Variants in MECOM observed in about 807,000 individuals in gnomAD.
MECOM encodes the protein histone-lysine N-methyltransferase MECOM.
MECOM carries 13 observed loss-of-function variants against 116.3 expected under a neutral mutation model. That is an observed-to-expected ratio of 0.11 (90% CI 0.07 to 0.18). The LOEUF is 0.18. Among genes scored for constraint, MECOM ranks in the 10% least tolerant of loss-of-function variants. The pLI is 1.00. For missense variants in MECOM, 1,299 were observed against 1,509.0 expected (o/e 0.86, Z 2.31); for synonymous variants, 528 against 535.2 (o/e 0.99, Z 0.19).
intron 1 of MECOM, among the ~76,000 whole-genome samples, chr3:169,544,150 T>A (rs940873737): frequency 1.3e-5 from 2 of 152,208 alleles, no homozygotes; most frequent in Admixed American, 6.5e-5. Context: ...TGATTGTACA[T>A]AGTTTGACTA....
intron 1 of MECOM, among the ~76,000 whole-genome samples, chr3:169,383,023 C>A (rs1222386229): frequency 6.6e-6 from 1 of 151,868 alleles, no homozygotes; most frequent in Admixed American, 6.6e-5. Context: ...CCTACCAACC[C>A]CGCAGTTCTA....
intron 2 of MECOM, among the ~76,000 whole-genome samples, chr3:169,371,070 C>A (rs1487776320): frequency 2.0e-5 from 3 of 151,964 alleles, no homozygotes; most frequent in Non-Finnish European, 4.4e-5. Context: ...CTCACATAGT[C>A]ATTGACTGCA....
intron 1 of MECOM, among the ~76,000 whole-genome samples, chr3:169,609,073 C>T (rs1045474136): frequency 1.3e-5 from 2 of 152,170 alleles, no homozygotes; most frequent in Non-Finnish European, 2.9e-5. Context: ...CTTATCGACA[C>T]AGGAATCTCT....
chr3:169,394,496 A>G (rs1734720661), intron 1 of MECOM, among the ~76,000 whole-genome samples: 1 of 152,186 alleles, frequency 6.6e-6, no homozygotes, highest in African/African-American at 2.4e-5. Context: ...GCAGATAATC[A>G]AGAGGATTGT....
chr3:169,321,871 G>C (rs1720922421), intron 2 of MECOM, among the ~76,000 whole-genome samples: 1 of 152,204 alleles, frequency 6.6e-6, no homozygotes, highest in Admixed American at 6.5e-5. Context: ...ACTCATGGTT[G>C]CTGTCCTAAT....
chr3:169,267,640 T>C lies in MECOM; in HGVS notation c.375+113547A>G, dbSNP rs893517686. Reference sequence around the variant, plus strand: ...AGAGTTGAGCTCAAGGTGATTGAAGTAATGCTACATTTGACTGGAAAAGGG... The same window carrying C: ...AGAGTTGAGCTCAAGGTGATTGAAGCAATGCTACATTTGACTGGAAAAGGG... On this transcript the variant is annotated intron_variant, in intron 2 of 16. Transcript: ENST00000651503. 4.6e-4 allele frequency among the ~76,000 whole-genome samples: 70 copies of C among 152,174 alleles called. 1 individual carries two copies. Among genetic ancestry groups the C allele is most frequent in the African/African-American group, 1.5e-3 (62 of 41,446 alleles).
At chr3:169,650,815 T>C (rs1472037705) in intron 1 of MECOM, among the ~76,000 whole-genome samples, 1 of 152,066 alleles carries the variant, frequency 6.6e-6, no homozygotes, top group Non-Finnish European at 1.5e-5. Flanking sequence ...GGGGAACTTC[T>C]CTGTCTGTTT....
Position 169,543,597 on chromosome 3 carries a change from G to A in MECOM, c.37+119739C>T, listed in dbSNP as rs138939271. On this transcript the variant is annotated intron_variant, in intron 1 of 16. Coordinates refer to ENST00000651503, the MANE Select transcript of MECOM (RefSeq NM_004991.4). ...TCTGGAGGGAAAAACATTATTTGAC[G>A]AAATTTCAATTTAAAAGTAATTCCA... is the stretch of plus-strand genomic sequence containing the variant. Among the ~76,000 whole-genome samples, 887 of 152,122 alleles carry A rather than the reference G, an allele frequency of 5.8e-3. 9 individuals carry two copies. The highest frequency in any genetic ancestry group is 0.02 in the African/African-American group (848 of 41,476).
intron 2 of MECOM, among the ~76,000 whole-genome samples, chr3:169,379,020 A>T (rs1330448116): frequency 1.3e-5 from 2 of 151,960 alleles, no homozygotes; most frequent in African/African-American, 4.8e-5. Flanking sequence ...ACTAAATAGG[A>T]GGAAAACCAG....
chr3:169,638,368 T>C (rs375748126), intron 1 of MECOM, among the ~76,000 whole-genome samples: 16 of 152,120 alleles, frequency 1.1e-4, no homozygotes, highest in African/African-American at 3.9e-4. Flanking sequence ...ATGAACACAT[T>C]CTCCAGGTTT....
intron 1 of MECOM, among the ~76,000 whole-genome samples, chr3:169,475,307 C>A (rs764792379): frequency 5.2e-4 from 79 of 152,072 alleles, no homozygotes; most frequent in Non-Finnish European, 1.0e-3. Flanking sequence ...TAGTTCTAAC[C>A]CTGACAAGCA....
At chr3:169,268,780 G>A (rs1344321176) in intron 2 of MECOM, among the ~76,000 whole-genome samples, 3 of 152,192 alleles carry the variant, frequency 2.0e-5, no homozygotes, top group Admixed American at 2.0e-4. Flanking sequence ...CCAAGCAGCT[G>A]TATTTCCTAT....
chr3:169,477,472 G>T (rs1332974892), intron 1 of MECOM, among the ~76,000 whole-genome samples: 1 of 152,118 alleles, frequency 6.6e-6, no homozygotes, highest in African/African-American at 2.4e-5. Flanking sequence ...AGTCAAGATT[G>T]TTATAGGCTG....
At chr3:169,390,414 T>C (rs1291766182) in intron 1 of MECOM, among the ~76,000 whole-genome samples, 1 of 152,200 alleles carries the variant, frequency 6.6e-6, no homozygotes, top group African/African-American at 2.4e-5. Context: ...GGGCTGTTAT[T>C]CTCACATTAA....
intron 1 of MECOM, among the ~76,000 whole-genome samples, chr3:169,522,771 A>G (rs1757505342): frequency 1.3e-5 from 2 of 152,264 alleles, no homozygotes; most frequent in African/African-American, 4.8e-5. Flanking sequence ...AGTTAGGTAG[A>G]TAATCAATCT....
intron 1 of MECOM, among the ~76,000 whole-genome samples, chr3:169,581,349 T>C (rs1765099022): frequency 6.6e-6 from 1 of 152,056 alleles, no homozygotes; most frequent in Non-Finnish European, 1.5e-5. Flanking sequence ...ACCTCCCAGG[T>C]GGCAAAAAAA....
At chr3:169,343,369 G>T (rs1250490453) in intron 2 of MECOM, among the ~76,000 whole-genome samples, 9 of 152,102 alleles carry the variant, frequency 5.9e-5, no homozygotes, top group Non-Finnish European at 1.2e-4. Flanking sequence ...ACAGATCAGT[G>T]CTGACAATGT....
intron 2 of MECOM, among the ~76,000 whole-genome samples, chr3:169,197,613 T>C (rs986311349): frequency 3.3e-5 from 5 of 151,974 alleles, no homozygotes; most frequent in African/African-American, 1.2e-4. Context: ...GAAACTTAAA[T>C]TTACATCATA....
At chr3:169,237,989 G>T (rs1215569960) in intron 2 of MECOM, among the ~76,000 whole-genome samples, 2 of 151,752 alleles carry the variant, frequency 1.3e-5, no homozygotes, top group East Asian at 3.9e-4. Flanking sequence ...AGCCTGGCCA[G>T]CATGGTGAAA....
Sources: gnomAD v4.1 joint callset for allele counts (sites outside exome capture counted in the v4.1 genomes callset) on GRCh38, gnomAD v4.1.1 for gene constraint, MANE v1.5 for transcripts, NCBI Gene and HGNC (gene_info 2026-07-23, HGNC 2026-07-21) for gene names.